Variants in BCAS3 observed in about 807,000 individuals in gnomAD.
BCAS3 encodes the protein BCAS3 microtubule associated cell migration factor.
A neutral mutation model predicts 116.1 loss-of-function variants in BCAS3; 53 were observed. The ratio of observed to expected loss-of-function variants is 0.46; its 90% CI spans 0.37 to 0.57. The LOEUF (loss-of-function observed/expected upper bound fraction) is 0.57, where lower values mean the gene tolerates loss of function less well. BCAS3 is among the 20% of genes least tolerant of loss of function. The pLI, the probability that BCAS3 is intolerant of heterozygous loss-of-function variation, is 0.00. For missense variants in BCAS3, 917 were observed against 1,165.4 expected (o/e 0.79, Z 3.10); for synonymous variants, 391 against 408.2 (o/e 0.96, Z 0.51).
At chr17:60,969,105 C>A (rs2061817531) in intron 14 of BCAS3, among the ~76,000 whole-genome samples, 1 of 152,106 alleles carries the variant, frequency 6.6e-6, no homozygotes, top group South Asian at 2.1e-4. Flanking sequence ...TTCTTTTTCA[C>A]TTCTCTGTGG....
chr17:60,783,109 A>G (rs1189590475), intron 6 of BCAS3, among the ~76,000 whole-genome samples: 1 of 152,228 alleles, frequency 6.6e-6, no homozygotes, highest in Non-Finnish European at 1.5e-5. Context: ...CACAGAATGT[A>G]TGCAACTGCA....
intron 22 of BCAS3, among the ~76,000 whole-genome samples, chr17:61,305,732 C>G (rs2053801840): frequency 1.3e-5 from 2 of 152,196 alleles, no homozygotes; most frequent in South Asian, 4.1e-4. Flanking sequence ...CCCGTCTCTA[C>G]TAAAAATACA....
At chr17:60,804,202 G>A (rs1485250109) in intron 6 of BCAS3, among the ~76,000 whole-genome samples, 1 of 151,178 alleles carries the variant, frequency 6.6e-6, no homozygotes, top group Admixed American at 6.6e-5. Flanking sequence ...TAGTATATTG[G>A]CTGGGCGTGG....
Position 61,362,935 on chromosome 17 carries a change from C to T in BCAS3, c.2426-5392C>T, listed in dbSNP as rs1000906039. 2.0e-5 allele frequency: 3 copies of T among 152,340 alleles called. No homozygotes were observed. The highest frequency in any genetic ancestry group is 1.3e-4 in the Admixed American group (2 of 15,306). 9.4% of individuals were successfully genotyped at this position (152,340 alleles called of 1,614,324 possible). A position where few individuals can be genotyped will look rare whatever the true frequency, so the allele number is the denominator to read the frequency against. ...CCTACTCTGACCCTAGATATTCAGG[C>T]TCTGGTACCCCACCCAAAGGGTGTT... On this transcript the variant is annotated intron_variant, in intron 22 of 23. Coordinates refer to ENST00000407086, the MANE Select transcript of BCAS3 (RefSeq NM_017679.5). The surrounding 1 kb of genome is among the most constrained non-coding windows in gnomAD (Gnocchi z 4.4).
chr17:60,902,693 G>C lies in BCAS3; in HGVS notation c.812G>C (p.Ser271Thr). The change falls in exon 11 of 24, where the codon AGT becomes ACT. Residue 271 changes from serine (S) to threonine (T), a missense_variant. Physicochemically the swap from Ser to Thr is moderately conservative, Grantham distance 58 (BLOSUM62 1). Coordinates refer to ENST00000407086, the MANE Select transcript of BCAS3 (RefSeq NM_017679.5). ...CAGTCTTATACTGCCACAGTCATTA[G>C]TGCTGCTAAAGTGAGTACCTCCGAA... The part of the protein sequence containing the change: ...NIQSYTATVI[S>T]AAKTLKSGLT... The C allele has an allele frequency of 6.2e-7, 1 of 1,609,336 alleles. No homozygotes were observed. The highest frequency in any genetic ancestry group is 2.2e-5 in the East Asian group (1 of 44,842).
intron 22 of BCAS3, among the ~76,000 whole-genome samples, chr17:61,330,874 T>C (rs2056217313): frequency 6.6e-6 from 1 of 152,222 alleles, no homozygotes; most frequent in Non-Finnish European, 1.5e-5. Flanking sequence ...TGGTGGTGAA[T>C]GGTCTCTGCC....
chr17:61,234,831 C>G (rs886239194), intron 22 of BCAS3, among the ~76,000 whole-genome samples: 2 of 151,116 alleles, frequency 1.3e-5, no homozygotes, highest in Non-Finnish European at 2.9e-5. Context: ...CATTTTCTCT[C>G]AACTTCACAT....
intron 22 of BCAS3, among the ~76,000 whole-genome samples, chr17:61,334,629 A>T (rs1437865312): frequency 7.5e-6 from 1 of 133,548 alleles, no homozygotes; most frequent in African/African-American, 2.9e-5. Context: ...GCACCATTGC[A>T]CTCCAGCCTA....
chr17:60,718,219 C>T (rs1426954982), intron 5 of BCAS3, among the ~76,000 whole-genome samples: 3 of 152,042 alleles, frequency 2.0e-5, no homozygotes, highest in Non-Finnish European at 4.4e-5. Context: ...TGGGGGACCC[C>T]TCAACTAGAA....
chr17:60,984,713 G>T (rs112194671), intron 14 of BCAS3, among the ~76,000 whole-genome samples: 4,838 of 152,008 alleles, frequency 0.032, 255 homozygotes, highest in African/African-American at 0.11. Flanking sequence ...TAGAGTACAT[G>T]AAATGTTTTG....
chr17:61,271,050 C>A (rs1256793653), intron 22 of BCAS3, among the ~76,000 whole-genome samples: 1 of 151,656 alleles, frequency 6.6e-6, no homozygotes, highest in Non-Finnish European at 1.5e-5. Context: ...AGCCACCACA[C>A]CTGGGTATAT....
chr17:61,191,635 T>G (rs537766213), intron 22 of BCAS3, among the ~76,000 whole-genome samples: 1 of 151,358 alleles, frequency 6.6e-6, no homozygotes, highest in Non-Finnish European at 1.5e-5. Flanking sequence ...ATTAGACAGG[T>G]GTGGTGACGG....
chr17:61,069,178 C>A (rs1265941128), intron 19 of BCAS3, among the ~76,000 whole-genome samples: 2 of 151,984 alleles, frequency 1.3e-5, no homozygotes, highest in East Asian at 3.9e-4. Context: ...TCATGCAAGA[C>A]CAACAAGAAT....
intron 13 of BCAS3, among the ~76,000 whole-genome samples, chr17:60,926,779 A>G (rs933308184): frequency 6.6e-6 from 1 of 152,156 alleles, no homozygotes; most frequent in Non-Finnish European, 1.5e-5. Context: ...ACTTTGCATT[A>G]TAAGAAGAAC....
At chr17:61,299,769 A>G (rs1291048164) in intron 22 of BCAS3, among the ~76,000 whole-genome samples, 1 of 152,240 alleles carries the variant, frequency 6.6e-6, no homozygotes, top group Non-Finnish European at 1.5e-5. Flanking sequence ...CTCTGACAGC[A>G]TAGTTCAGCA....
chr17:61,005,038 G>C (rs974882507), intron 15 of BCAS3, among the ~76,000 whole-genome samples: 1 of 152,140 alleles, frequency 6.6e-6, no homozygotes, highest in South Asian at 2.1e-4. Flanking sequence ...TTTTCCGGCA[G>C]TGCTCCAGCT....
At chr17:60,890,322 C>T (rs968012708) in intron 10 of BCAS3, among the ~76,000 whole-genome samples, 1 of 152,072 alleles carries the variant, frequency 6.6e-6, no homozygotes, top group Admixed American at 6.5e-5. Flanking sequence ...GGCGTGGTGG[C>T]ATGCGCCTGT....
intron 7 of BCAS3, among the ~76,000 whole-genome samples, chr17:60,817,709 C>T (rs1017150908): frequency 2.6e-5 from 4 of 151,932 alleles, no homozygotes; most frequent in African/African-American, 4.8e-5. Flanking sequence ...CCTTATCGCT[C>T]GTTATATAGG....
At chr17:61,245,682 A>G (rs17513268) in intron 22 of BCAS3, among the ~76,000 whole-genome samples, 18,754 of 152,240 alleles carry the variant, frequency 0.12, 1,223 homozygotes, top group Non-Finnish European at 0.14. Context: ...CTAACATTCA[A>G]GTGGTTTCAG....
Sources: allele counts gnomAD v4.1 joint callset (sites outside exome capture counted in the v4.1 genomes callset), GRCh38; gene constraint gnomAD v4.1.1; non-coding constraint Gnocchi (gnomAD v3.1); transcripts MANE v1.5; gene names NCBI Gene and HGNC (gene_info 2026-07-23, HGNC 2026-07-21).